The following MC2R variants were observed in gnomAD, a reference collection of about 807,000 sequenced individuals.
MC2R encodes melanocortin 2 receptor.
In MC2R, 9 loss-of-function variants were observed where a neutral mutation model predicts 9.8. The ratio of observed to expected loss-of-function variants is 0.92; its 90% confidence interval spans 0.55 to 1.60. The LOEUF (loss-of-function observed/expected upper bound fraction) is 1.60, where lower values mean the gene tolerates loss of function less well. Among genes scored for constraint, MC2R ranks in the 40% most tolerant of loss-of-function variants. The probability of loss-of-function intolerance (pLI) is 0.00; values close to 1 mark genes in which losing one functional copy is unlikely to be tolerated. For synonymous variants in MC2R, 185 were observed against 154.7 expected, an observed-to-expected ratio of 1.20 and a Z score of -1.45; for missense variants, 370 against 389.0, an observed-to-expected ratio of 0.95 and a Z score of 0.41.
intron 1 of MC2R, among the ~76,000 whole-genome samples, chr18:13,906,411 A>G (rs1393075862): frequency 6.6e-6 from 1 of 151,872 alleles, no homozygotes; most frequent in African/African-American, 2.4e-5. Context: ...GGTGAACAAC[A>G]CACACCAGGG....
chr18:13,894,481 A>G lies in MC2R; in HGVS notation c.-128-8835T>C, dbSNP rs753640227. 1.2e-3 allele frequency among the ~76,000 whole-genome samples: 190 copies of G among 152,238 alleles called. 6 individuals are homozygous for G. Among genetic ancestry groups the G allele is most frequent in the Non-Finnish European group, 3.2e-4 (22 of 68,050 alleles). On this transcript the variant is annotated intron_variant, in intron 1 of 1. Coordinates refer to ENST00000327606, the MANE Select transcript of MC2R (RefSeq NM_000529.2). ...TAAATAAATGAAGATAACAACACTC[A>G]GTGCATAGATTTTACAGGCTGTGGT...
At chr18:13,900,281 A>G (rs1171038221) in intron 1 of MC2R, among the ~76,000 whole-genome samples, 1 of 152,162 alleles carries the variant, frequency 6.6e-6, no homozygotes, top group Non-Finnish European at 1.5e-5. Context: ...AACCAAAAGC[A>G]GGGAACTAAA....
At position 13,885,662 on chromosome 18, in the gene MC2R, C is replaced by G. The variant is rs2045271921; in HGVS notation, c.-128-16G>C. On this transcript the variant is annotated splice_polypyrimidine_tract_variant and intron_variant, in intron 1 of 1. Transcript: ENST00000327606. ...TCCCAATCACCTAAAAGGGAGTATACAGAAATATTAGTTGCAAAGTACACT... is the reference window on the plus strand; with the variant it reads ...TCCCAATCACCTAAAAGGGAGTATAGAGAAATATTAGTTGCAAAGTACACT... 1.1e-6 allele frequency: 1 copy of G among 900,220 alleles called. No individual in the cohort carries two copies. The highest frequency in any genetic ancestry group is 1.7e-5 in the African/African-American group (1 of 59,124). The allele number at this position is 900,220 out of a possible 1,614,324, so 55.8% of individuals were successfully genotyped here. A position where few individuals can be genotyped will look rare whatever the true frequency, so the allele number is the denominator to read the frequency against.
intron 1 of MC2R, among the ~76,000 whole-genome samples, chr18:13,904,719 A>G (rs192070658): frequency 2.0e-5 from 3 of 152,272 alleles, no homozygotes; most frequent in Non-Finnish European, 4.4e-5. Flanking sequence ...ATGGAGCAGA[A>G]CAGAGACCTC....
Position 13,885,614 on chromosome 18 carries a change from T to A in MC2R, c.-96A>T, listed in dbSNP as rs1245845562. ...AGGATCTTTTCTTCCTTGTAGCACT[T>A]GCTGGAGATCTAAGTTAAAATCTCC... On this transcript the variant is annotated 5_prime_UTR_variant, in exon 2 of 2. Transcript: ENST00000327606. 1.5e-6 allele frequency: 2 copies of A among 1,368,930 alleles called. No individual in the cohort carries two copies. Among genetic ancestry groups the A allele is most frequent in the African/African-American group, 2.9e-5 (2 of 69,726 alleles). 84.8% of individuals were successfully genotyped at this position (1,368,930 alleles called of 1,614,324 possible).
At chr18:13,910,321 TTTAGAGTAAGTCTGAGAG>T (rs2045437310) in intron 1 of MC2R, among the ~76,000 whole-genome samples, 1 of 152,204 alleles carries the variant, frequency 6.6e-6, no homozygotes. Context: ...GATTACTGGC[TTTAGAGTAAGTCTGAGAG>T]TTACTCAGAC....
At chr18:13,907,765 A>G (rs8091029) in intron 1 of MC2R, among the ~76,000 whole-genome samples, 73,964 of 152,044 alleles carry the variant, frequency 0.49, 18,438 homozygotes, top group Middle Eastern at 0.61. Context: ...ATGGCCAAAC[A>G]GGTATATGAA....
rs5823279 is a variant in MC2R at position 13,903,991 on chromosome 18, A to AT, written c.-129+11496dup. Among the ~76,000 whole-genome samples, 66 of 150,628 alleles carry AT rather than the reference A, an allele frequency of 4.4e-4. 1 individual carries two copies. Among genetic ancestry groups the AT allele is most frequent in the Middle Eastern group, 3.4e-3 (1 of 290 alleles). On this transcript the variant is annotated intron_variant, in intron 1 of 1. Transcript: ENST00000327606. The stretch of plus-strand genomic sequence containing the variant: ...GAGTTTAGGTTTTTAAGAATTGTAG[A>AT]TTTTTTTTTTCATTTCCACAGATGT...
intron 1 of MC2R, among the ~76,000 whole-genome samples, chr18:13,897,732 G>C (rs2045354846): frequency 6.6e-6 from 1 of 152,014 alleles, no homozygotes; most frequent in Non-Finnish European, 1.5e-5. Flanking sequence ...TTCCATTCCA[G>C]GCCCTAAATC....
chr18:13,897,670 T>G (rs1306350230), intron 1 of MC2R, among the ~76,000 whole-genome samples: 2 of 152,004 alleles, frequency 1.3e-5, no homozygotes, highest in Non-Finnish European at 2.9e-5. Flanking sequence ...TCTTGCATCT[T>G]GGATATCAGC....
At chr18:13,891,397 G>A (rs568255165) in intron 1 of MC2R, among the ~76,000 whole-genome samples, 15 of 152,178 alleles carry the variant, frequency 9.9e-5, no homozygotes, top group South Asian at 4.1e-4. Context: ...AATCATCTAC[G>A]TATATAGTTT....
chr18:13,885,793 G>A, intron 1 of MC2R, 147 bp from the exon 2 acceptor site: 1 of 458,708 alleles, frequency 2.2e-6, no homozygotes, highest in Non-Finnish European at 3.9e-6. Flanking sequence ...GTTTATTGCA[G>A]CACTAGTGAC....
intron 1 of MC2R, among the ~76,000 whole-genome samples, chr18:13,900,677 G>T (rs1035195010): frequency 1.3e-5 from 2 of 152,102 alleles, no homozygotes; most frequent in Non-Finnish European, 2.9e-5. Flanking sequence ...AATGACAAAG[G>T]TGTCAATTTA....
In MC2R at chr18:13,885,544, G is replaced by T. The variant is rs1170413547; in HGVS notation, c.-26C>A. On this transcript the variant is annotated 5_prime_UTR_variant, in exon 2 of 2. Transcript: ENST00000327606. ...TTCTCCTGCTTGTGGTTAAGGCGGGGATGTTACTTGGACTTGACTTCACGG... is the reference window on the plus strand; with the variant it reads ...TTCTCCTGCTTGTGGTTAAGGCGGGTATGTTACTTGGACTTGACTTCACGG... 8 of 1,613,622 alleles carry T rather than the reference G, an allele frequency of 5.0e-6. No homozygotes were observed. Among genetic ancestry groups the T allele is most frequent in the Non-Finnish European group, 6.8e-6 (8 of 1,179,664 alleles).
chr18:13,913,700 A>G (rs919071521), intron 1 of MC2R, among the ~76,000 whole-genome samples: 4 of 151,952 alleles, frequency 2.6e-5, no homozygotes, highest in African/African-American at 9.7e-5. Flanking sequence ...GTCCTTCCTC[A>G]CTTCTCACAC....
intron 1 of MC2R, among the ~76,000 whole-genome samples, chr18:13,913,309 C>T (rs146360373): frequency 4.3e-3 from 648 of 152,312 alleles, no homozygotes; most frequent in Non-Finnish European, 7.7e-3. Context: ...GCTTCCTCCA[C>T]GGTGCCTTCC....
rs143798533 is a variant in MC2R at position 13,884,895 on chromosome 18, G to A, written c.624C>T (p.Ser208=). The part of the protein sequence containing the change: ...LLARSHTRKI[S]TLPRANMKGA... ...CTTTCATGTTGGCTCTGGGGAGGGT[G>A]GAGATCTTCCTGGTGTGGGATCGAG... Residue 208 remains serine, a synonymous_variant, in exon 2 of 2, where the codon TCC becomes TCT. Coordinates refer to ENST00000327606, the MANE Select transcript of MC2R (RefSeq NM_000529.2). 6.6e-5 allele frequency: 107 copies of A among 1,614,006 alleles called. No homozygotes were observed. Among genetic ancestry groups the A allele is most frequent in the Non-Finnish European group, 8.6e-5 (102 of 1,180,032 alleles).
intron 1 of MC2R, among the ~76,000 whole-genome samples, chr18:13,910,732 C>T (rs1191027519): frequency 6.6e-6 from 1 of 152,150 alleles, no homozygotes; most frequent in African/African-American, 2.4e-5. Flanking sequence ...TCCAGTTACA[C>T]TCAGCACTAG....
At chr18:13,901,311 A>G (rs1316445623) in intron 1 of MC2R, among the ~76,000 whole-genome samples, 2 of 152,100 alleles carry the variant, frequency 1.3e-5, no homozygotes, top group African/African-American at 4.8e-5. Context: ...CAAATAAACA[A>G]TTTAATGATG....
Sources: gnomAD v4.1 joint callset for allele counts (sites outside exome capture counted in the v4.1 genomes callset) on GRCh38, gnomAD v4.1.1 for gene constraint, MANE v1.5 for transcripts, NCBI Gene and HGNC (gene_info 2026-07-23, HGNC 2026-07-21) for gene names.